Variants in GNAL observed in about 807,000 individuals in gnomAD.
The protein encoded by GNAL is guanine nucleotide-binding protein G(olf) subunit alpha.
Under a neutral mutation model 55.1 loss-of-function variants are expected in GNAL, and 18 were observed. The ratio of observed to expected loss-of-function variants is 0.33; its 90% CI spans 0.23 to 0.48. The LOEUF (loss-of-function observed/expected upper bound fraction) is 0.48. Ranked by LOEUF, GNAL falls within the 20% of genes least tolerant of loss-of-function variation. The probability of loss-of-function intolerance (pLI) is 0.99; values close to 1 mark genes in which losing one functional copy is unlikely to be tolerated. For missense variants in GNAL, 412 were observed against 614.1 expected, an observed-to-expected ratio of 0.67 and a Z score of 3.48; for synonymous variants, 253 against 237.0, an observed-to-expected ratio of 1.07 and a Z score of -0.62.
intron 10 of GNAL, among the ~76,000 whole-genome samples, chr18:11,875,590 C>T (rs78007272): frequency 0.013 from 1,975 of 152,206 alleles, 38 homozygotes; most frequent in African/African-American, 0.042. Flanking sequence ...ATCTCTCTCT[C>T]GCTCCTGCCC....
At chr18:11,770,766 C>T (rs1407084740) in intron 4 of GNAL, among the ~76,000 whole-genome samples, 1 of 151,990 alleles carries the variant, frequency 6.6e-6, no homozygotes, top group African/African-American at 2.4e-5. Flanking sequence ...TGTTCTAATA[C>T]TTTACATATT....
intron 1 of GNAL, among the ~76,000 whole-genome samples, chr18:11,719,463 C>T (rs2143396779): frequency 6.6e-6 from 1 of 152,276 alleles, no homozygotes; most frequent in Middle Eastern, 3.4e-3. Context: ...CGGTTTCTTC[C>T]TTTGATGACA....
rs919477989 is a variant in GNAL at position 11,751,134 on chromosome 18, G to A, written c.377-1719G>A. Among the ~76,000 whole-genome samples, 1 of 152,136 alleles carries A rather than the reference G, an allele frequency of 6.6e-6. No homozygotes were observed. The highest frequency in any genetic ancestry group is 1.5e-5 in the Non-Finnish European group (1 of 68,034). On this transcript the variant is annotated intron_variant, in intron 1 of 11. Coordinates refer to ENST00000334049, the MANE Select transcript of GNAL (RefSeq NM_182978.4). The surrounding 1 kb of genome is among the most constrained non-coding windows in gnomAD (Gnocchi z 4.5). Reference sequence around the variant, plus strand: ...GACAGCGCAGCGCCAAGCCCGAGACGGTCAACTGGGAGCCGCCACACACAA... The same window carrying A: ...GACAGCGCAGCGCCAAGCCCGAGACAGTCAACTGGGAGCCGCCACACACAA...
chr18:11,795,437 C>T (rs1351005664), intron 4 of GNAL, among the ~76,000 whole-genome samples: 2 of 150,024 alleles, frequency 1.3e-5, no homozygotes, highest in Non-Finnish European at 3.0e-5. Flanking sequence ...AACATTTGTA[C>T]TATCATTAGG....
intron 4 of GNAL, among the ~76,000 whole-genome samples, chr18:11,765,587 C>G (rs768759154): frequency 7.2e-5 from 11 of 152,190 alleles, no homozygotes; most frequent in Non-Finnish European, 1.5e-4. Context: ...TTCCCAGCCT[C>G]TAGTAAGCAT....
intron 1 of GNAL, among the ~76,000 whole-genome samples, chr18:11,710,258 C>T (rs2031804584): frequency 1.3e-5 from 2 of 152,080 alleles, no homozygotes; most frequent in African/African-American, 4.8e-5. Flanking sequence ...TCTTGTAGTG[C>T]CTTCATCTGA....
intron 4 of GNAL, among the ~76,000 whole-genome samples, chr18:11,767,249 C>G (rs1023288817): frequency 6.6e-6 from 1 of 150,458 alleles, no homozygotes; most frequent in African/African-American, 2.5e-5. Flanking sequence ...TCTCTGTGCC[C>G]CCTTATGCTT....
At chr18:11,827,356 T>C (rs1159760546) in intron 5 of GNAL, among the ~76,000 whole-genome samples, 1 of 152,226 alleles carries the variant, frequency 6.6e-6, no homozygotes, top group Non-Finnish European at 1.5e-5. Context: ...CTCATGCCTG[T>C]AATCCCAGCA....
At chr18:11,790,651 CT>C (rs1232488173) in intron 4 of GNAL, among the ~76,000 whole-genome samples, 1 of 83,358 alleles carries the variant, frequency 1.2e-5, no homozygotes, top group Non-Finnish European at 2.2e-5. Context: ...CTTTTCTTTT[CT>C]TTTTTTTTCT....
At chr18:11,710,919 A>G (rs758322762) in intron 1 of GNAL, among the ~76,000 whole-genome samples, 1 of 152,058 alleles carries the variant, frequency 6.6e-6, no homozygotes, top group South Asian at 2.1e-4. Context: ...TCTGTTATCC[A>G]GGCTGGAGTG....
chr18:11,758,366 G>A (rs753344083), intron 4 of GNAL, among the ~76,000 whole-genome samples: 9 of 152,130 alleles, frequency 5.9e-5, no homozygotes, highest in Non-Finnish European at 1.0e-4. Context: ...TATTGTTCAG[G>A]TTATAATGAA....
At position 11,884,979 on chromosome 18, in the gene GNAL, T is replaced by C; in HGVS notation, c.*3844T>C. On this transcript the variant is annotated 3_prime_UTR_variant, in exon 12 of 12. Coordinates refer to ENST00000334049, the MANE Select transcript of GNAL (RefSeq NM_182978.4). ...CACCGTGGAGTTCCAGGGTCATCGG[T>C]CAGCGAGGAACAAGGAGGGAAAGGT... The C allele has an allele frequency of 7.7e-7, 1 of 1,303,346 alleles. No homozygotes were observed. The allele number at this position is 1,303,346 out of a possible 1,614,324, so 80.7% of individuals were successfully genotyped here. A position where few individuals can be genotyped will look rare whatever the true frequency, so the allele number is the denominator to read the frequency against.
At chr18:11,825,938 G>C (rs921632460) in intron 5 of GNAL, among the ~76,000 whole-genome samples, 2 of 152,112 alleles carry the variant, frequency 1.3e-5, no homozygotes, top group Admixed American at 6.6e-5. Context: ...TAGTTGACTA[G>C]TTGTTTTATG....
chr18:11,819,000 C>T (rs1265353036), intron 4 of GNAL, among the ~76,000 whole-genome samples: 4 of 152,220 alleles, frequency 2.6e-5, no homozygotes, highest in Non-Finnish European at 4.4e-5. Context: ...CCCAGCATGG[C>T]GAGTGGGAGC....
At chr18:11,879,671 CT>C (rs570151676) in intron 11 of GNAL, among the ~76,000 whole-genome samples, 66 of 152,228 alleles carry the variant, frequency 4.3e-4, no homozygotes, top group Non-Finnish European at 7.5e-4. Flanking sequence ...TTCCACACAA[CT>C]TCAGGGAACA....
intron 4 of GNAL, among the ~76,000 whole-genome samples, chr18:11,817,736 G>T (rs72867073): frequency 0.11 from 17,010 of 150,410 alleles, 1,308 homozygotes; most frequent in East Asian, 0.31. Context: ...TTGCAGGTGC[G>T]TGCCACAACA....
chr18:11,742,838 C>T (rs900235335), intron 1 of GNAL, among the ~76,000 whole-genome samples: 2 of 152,210 alleles, frequency 1.3e-5, no homozygotes, highest in Non-Finnish European at 2.9e-5. Context: ...ACCTAGCCCT[C>T]GGCTCATACC....
rs1568035319 is a variant in GNAL at position 11,805,144 on chromosome 18, CAGGTGCAATTTGAGTGGAACAT to C, written c.625-19773_625-19752del. ...GGAGATATTGTGTAGTGGTGAAGTA[CAGGTGCAATTTGAGTGGAACAT>C]GGAGATACTGTGTAGTGGTGAAGTA... is the stretch of plus-strand genomic sequence containing the variant. On this transcript the variant is annotated intron_variant, in intron 4 of 11. Transcript: ENST00000334049. Among the ~76,000 whole-genome samples the C allele has an allele frequency of 6.8e-3, 698 of 102,286 alleles. 116 individuals carry two copies. The highest frequency in any genetic ancestry group is 0.022 in the Middle Eastern group (3 of 134). 67.1% of individuals were successfully genotyped at this position (102,286 alleles called of 152,430 possible). A position where few individuals can be genotyped will look rare whatever the true frequency, so the allele number is the denominator to read the frequency against.
In GNAL at chr18:11,701,247, G is replaced by T. The variant is rs116620394; in HGVS notation, c.376+11308G>T. 9.2e-3 allele frequency among the ~76,000 whole-genome samples: 1,403 copies of T among 152,254 alleles called. 13 individuals are homozygous for T. The highest frequency in any genetic ancestry group is 0.032 in the African/African-American group (1,338 of 41,524). ...CTTAGGATATTTTATGAGTGGGGAGGTACAGGGGAGGTAGGAACTTGATTG... is the reference window on the plus strand; with the variant it reads ...CTTAGGATATTTTATGAGTGGGGAGTTACAGGGGAGGTAGGAACTTGATTG... On this transcript the variant is annotated intron_variant, in intron 1 of 11. Coordinates refer to ENST00000334049, the MANE Select transcript of GNAL (RefSeq NM_182978.4).
Sources: gnomAD v4.1 joint callset for allele counts (sites outside exome capture counted in the v4.1 genomes callset) on GRCh38, gnomAD v4.1.1 for gene constraint, Gnocchi (gnomAD v3.1) non-coding constraint, MANE v1.5 for transcripts, NCBI Gene and HGNC (gene_info 2026-07-23, HGNC 2026-07-21) for gene names.